Variants in TIAM1 observed in about 807,000 individuals in gnomAD.
TIAM1 encodes the protein TIAM Rac1 associated GEF 1, also known as rho guanine nucleotide exchange factor TIAM1.
A neutral mutation model predicts 163.5 loss-of-function variants in TIAM1; 65 were observed. That is an observed-to-expected ratio of 0.40 (90% CI 0.33 to 0.49). TIAM1 has a LOEUF of 0.49. Among genes scored for constraint, TIAM1 ranks in the 20% least tolerant of loss-of-function variants. The pLI is 0.77. For missense variants in TIAM1, 1,789 were observed against 2,044.7 expected (o/e 0.87, Z 2.41); for synonymous variants, 833 against 810.1 (o/e 1.03, Z -0.48).
intron 6 of TIAM1, among the ~76,000 whole-genome samples, chr21:31,239,981 T>C (rs1322027121): frequency 2.6e-5 from 4 of 152,158 alleles, no homozygotes; most frequent in Non-Finnish European, 4.4e-5. Context: ...GTATATATGT[T>C]TGTCCAACAG....
In TIAM1 at chr21:31,120,223, A is replaced by T; in HGVS notation, c.*145T>A. 1.4e-6 allele frequency: 1 copy of T among 732,094 alleles called. No individual in the cohort carries two copies. The highest frequency in any genetic ancestry group is 2.2e-6 in the Non-Finnish European group (1 of 458,908). 45.3% of individuals were successfully genotyped at this position (732,094 alleles called of 1,614,324 possible). On this transcript the variant is annotated 3_prime_UTR_variant, in exon 28 of 28. Coordinates refer to ENST00000541036, the MANE Select transcript of TIAM1 (RefSeq NM_001353694.2). The surrounding 1 kb of genome is among the most constrained non-coding windows in gnomAD (Gnocchi z 4.2). ...TTGAAAATGACAAAGTTGGGTGGCTACATGGCTTCAGAACCAAGTCAGCTG... is the reference window on the plus strand; with the variant it reads ...TTGAAAATGACAAAGTTGGGTGGCTTCATGGCTTCAGAACCAAGTCAGCTG...
intron 2 of TIAM1, among the ~76,000 whole-genome samples, chr21:31,442,070 A>AATAT (rs138822110): frequency 0.015 from 792 of 53,238 alleles, 158 homozygotes; most frequent in South Asian, 0.057. Context: ...CAAATAAATA[A>AATAT]ATATATATAT....
intron 1 of TIAM1, among the ~76,000 whole-genome samples, chr21:31,500,835 C>A (rs1435870832): frequency 1.3e-5 from 2 of 152,148 alleles, no homozygotes; most frequent in African/African-American, 4.8e-5. Context: ...GGACTTCTGG[C>A]CTCCAGAATT....
chr21:31,529,224 G>A (rs1023166401), intron 1 of TIAM1, among the ~76,000 whole-genome samples: 1 of 151,802 alleles, frequency 6.6e-6, no homozygotes, highest in African/African-American at 2.4e-5. Context: ...CAGCCGAAAT[G>A]TCTTTTTATT....
chr21:31,166,370 A>C (rs1475347663), intron 15 of TIAM1, among the ~76,000 whole-genome samples: 1 of 152,180 alleles, frequency 6.6e-6, no homozygotes, highest in East Asian at 1.9e-4. Context: ...CTTTAGATGA[A>C]AGATTCCGTC....
chr21:31,511,014 G>A (rs1422587124), intron 1 of TIAM1, among the ~76,000 whole-genome samples: 1 of 152,214 alleles, frequency 6.6e-6, no homozygotes, highest in Non-Finnish European at 1.5e-5. Context: ...AACGCCATGT[G>A]GCAACAGAAG....
intron 2 of TIAM1, among the ~76,000 whole-genome samples, chr21:31,403,125 T>C (rs2077192657): frequency 6.6e-6 from 1 of 152,102 alleles, no homozygotes; most frequent in Non-Finnish European, 1.5e-5. Context: ...ATCCCAAGGT[T>C]AACAGTTAAG....
intron 1 of TIAM1, among the ~76,000 whole-genome samples, chr21:31,535,848 C>T (rs1370446426): frequency 6.6e-6 from 1 of 152,128 alleles, no homozygotes; most frequent in Admixed American, 6.6e-5. Context: ...TTGCTCTTTT[C>T]CCAAGCAAGT....
At chr21:31,281,105 AAAAC>A (rs1482175849) in intron 2 of TIAM1, among the ~76,000 whole-genome samples, 30 of 151,028 alleles carry the variant, frequency 2.0e-4, no homozygotes, top group African/African-American at 6.8e-4. Context: ...AAAAAAAAAA[AAAAC>A]AACGACAAAA....
intron 1 of TIAM1, among the ~76,000 whole-genome samples, chr21:31,494,184 G>A (rs1010934462): frequency 6.6e-6 from 1 of 152,140 alleles, no homozygotes; most frequent in Non-Finnish European, 1.5e-5. Flanking sequence ...AAAGTGCTGG[G>A]ATTACAGGTG....
chr21:31,157,317 T>C (rs2083669776), intron 16 of TIAM1, among the ~76,000 whole-genome samples: 1 of 152,164 alleles, frequency 6.6e-6, no homozygotes, highest in Non-Finnish European at 1.5e-5. Context: ...AGTCAAGCAA[T>C]AAATGTTTGC....
rs1398460812 is a variant in TIAM1 at position 31,257,822 on chromosome 21, C to A, written c.964-5633G>T. On this transcript the variant is annotated intron_variant, in intron 4 of 27. Coordinates refer to ENST00000541036, the MANE Select transcript of TIAM1 (RefSeq NM_001353694.2). ...ACTCCCAAGAATACTCACGTCCCCC[C>A]TTTTACTACAACCAGAAGGCTTCTC... Among the ~76,000 whole-genome samples the A allele has an allele frequency of 2.6e-5, 4 of 152,100 alleles. No individual in the cohort carries two copies. In the South Asian group the frequency reaches 8.3e-4, roughly 32 times the overall value.
chr21:31,489,957 TTATC>T (rs1250254281), intron 1 of TIAM1, among the ~76,000 whole-genome samples: 1 of 152,212 alleles, frequency 6.6e-6, no homozygotes, highest in Non-Finnish European at 1.5e-5. Flanking sequence ...GAAGACTTTT[TTATC>T]CAGCCCTTCA....
In TIAM1 at chr21:31,334,981, C is replaced by T. The variant is rs542445542; in HGVS notation, c.-189+4262G>A. On this transcript the variant is annotated intron_variant, in intron 2 of 27. Transcript: ENST00000541036. ...CCAAATGTGACATCCAAGGAGTTCC[C>T]GGAGTGGCCATCTGTCCCTGCCATG... is the stretch of plus-strand genomic sequence containing the variant. Among the ~76,000 whole-genome samples the T allele has an allele frequency of 5.9e-5, 9 of 152,210 alleles. No homozygotes were observed. The East Asian group carries it at 1.5e-3, about 26-fold the overall frequency.
chr21:31,513,237 T>G (rs1372463736), intron 1 of TIAM1, among the ~76,000 whole-genome samples: 1 of 152,232 alleles, frequency 6.6e-6, no homozygotes, highest in Non-Finnish European at 1.5e-5. Flanking sequence ...TTAACTCATT[T>G]AATCCTCACA....
intron 2 of TIAM1, among the ~76,000 whole-genome samples, chr21:31,374,022 TA>T (rs2076644019): frequency 6.6e-6 from 1 of 151,838 alleles, no homozygotes; most frequent in African/African-American, 2.4e-5. Flanking sequence ...TCTGTCACTC[TA>T]AATGGCCTTT....
rs115852134 is a variant in TIAM1, at chr21:31,331,343, T to G, written c.-189+7900A>C. 8.5e-3 allele frequency among the ~76,000 whole-genome samples: 1,294 copies of G among 152,304 alleles called. 10 individuals carry two copies. The highest frequency in any genetic ancestry group is 0.029 in the African/African-American group (1,190 of 41,550). The stretch of plus-strand genomic sequence containing the variant: ...TCTCAAGGCAGATAGGTTCATCCTT[T>G]GGAAAAGGGGAGCTCACCACATCAA... On this transcript the variant is annotated intron_variant, in intron 2 of 27. Transcript: ENST00000541036.
rs547748345 is a variant in TIAM1 at position 31,456,999 on chromosome 21, C to T, written c.-369+6984G>A. ...CCACAGATTCCTTCTATTTCTTTTCCTTTTGCAATGTTTTTCACAGTTTTC... is the reference window on the plus strand; with the variant it reads ...CCACAGATTCCTTCTATTTCTTTTCTTTTTGCAATGTTTTTCACAGTTTTC... On this transcript the variant is annotated intron_variant, in intron 2 of 28. Coordinates refer to the TIAM1 transcript ENST00000286827. 1.1e-4 allele frequency among the ~76,000 whole-genome samples: 16 copies of T among 152,292 alleles called. No individual in the cohort carries two copies. In the East Asian group the frequency reaches 1.7e-3, roughly 17 times the overall value.
chr21:31,127,420 T>A (rs1279917047), intron 25 of TIAM1, among the ~76,000 whole-genome samples: 1 of 151,916 alleles, frequency 6.6e-6, no homozygotes, highest in Non-Finnish European at 1.5e-5. Flanking sequence ...AACTTTTTTT[T>A]TTTTTTTTTC....
Sources: allele counts gnomAD v4.1 joint callset (sites outside exome capture counted in the v4.1 genomes callset), GRCh38; gene constraint gnomAD v4.1.1; non-coding constraint Gnocchi (gnomAD v3.1); transcripts MANE v1.5; gene names NCBI Gene and HGNC (gene_info 2026-07-23, HGNC 2026-07-21).